EIPR1: variants seen among roughly 807,000 people sequenced by gnomAD.
The protein encoded by EIPR1 is EARP and GARP complex-interacting protein 1.
Under a neutral mutation model 48.1 loss-of-function variants are expected in EIPR1, and 25 were observed. That is an observed-to-expected ratio of 0.52 (90% confidence interval 0.38 to 0.73). EIPR1 has a LOEUF of 0.73. Ranked by LOEUF, EIPR1 falls within the 30% of genes least tolerant of loss-of-function variation. The probability of loss-of-function intolerance (pLI) is 0.00; values close to 1 mark genes in which losing one functional copy is unlikely to be tolerated. For missense variants in EIPR1, 415 were observed against 506.2 expected, an observed-to-expected ratio of 0.82 and a Z score of 1.73; for synonymous variants, 204 against 201.9, an observed-to-expected ratio of 1.01 and a Z score of -0.09.
At chr2:3,231,915 A>G (rs1666255287) in intron 4 of EIPR1, among the ~76,000 whole-genome samples, 1 of 152,242 alleles carries the variant, frequency 6.6e-6, no homozygotes, top group South Asian at 2.1e-4. Context: ...ACAAACATTA[A>G]TTCTTCTTAA....
intron 4 of EIPR1, among the ~76,000 whole-genome samples, chr2:3,217,155 T>A (rs926091420): frequency 1.3e-5 from 2 of 152,154 alleles, no homozygotes; most frequent in African/African-American, 4.8e-5. Flanking sequence ...GATGATTAAT[T>A]CAGAGCAAAA....
At chr2:3,244,710 G>A (rs1459460311) in intron 4 of EIPR1, among the ~76,000 whole-genome samples, 6 of 152,208 alleles carry the variant, frequency 3.9e-5, no homozygotes, top group Non-Finnish European at 5.9e-5. Context: ...CGCCTTGATC[G>A]TGGACTTCCC....
At chr2:3,283,547 C>A (rs962425503) in intron 3 of EIPR1, among the ~76,000 whole-genome samples, 1 of 152,120 alleles carries the variant, frequency 6.6e-6, no homozygotes, top group Non-Finnish European at 1.5e-5. Flanking sequence ...CACCCCGGCA[C>A]ACTGGCCAAA....
At chr2:3,198,366 G>A (rs928008914) in intron 5 of EIPR1, among the ~76,000 whole-genome samples, 5 of 152,202 alleles carry the variant, frequency 3.3e-5, no homozygotes, top group Non-Finnish European at 5.9e-5. Flanking sequence ...GTCAGAAGCC[G>A]AGAAAGGCGG....
In EIPR1 at chr2:3,286,659, G is replaced by C. The variant is rs114212491; in HGVS notation, c.260-29204C>G. Among the ~76,000 whole-genome samples the C allele has an allele frequency of 3.9e-5, 6 of 152,250 alleles. No homozygotes were observed. Among genetic ancestry groups the C allele is most frequent in the Non-Finnish European group, 7.3e-5 (5 of 68,048 alleles). ...GTCCAGAGTGCCCCGCAGAGCACCC[G>C]AGACAGCGGCTGGCAGAGCACAGGC... On this transcript the variant is annotated intron_variant, in intron 3 of 8. Transcript: ENST00000382125. This position sits in a 1 kb window ranked among gnomAD's most constrained non-coding sequence, Gnocchi z 4.2.
In EIPR1 at chr2:3,286,181, C is replaced by G. The variant is rs1043803917; in HGVS notation, c.260-28726G>C. On this transcript the variant is annotated intron_variant, in intron 3 of 8. Coordinates refer to ENST00000382125, the MANE Select transcript of EIPR1 (RefSeq NM_003310.5). The surrounding 1 kb of genome is among the most constrained non-coding windows in gnomAD (Gnocchi z 4.2). ...CCACACCTGCTATCCCTGCCTGATTCCCCACCCTCAGAACCCATGAGCAGC... is the reference window on the plus strand; with the variant it reads ...CCACACCTGCTATCCCTGCCTGATTGCCCACCCTCAGAACCCATGAGCAGC... Among the ~76,000 whole-genome samples the G allele has an allele frequency of 2.6e-5, 4 of 152,208 alleles. No homozygotes were observed. Among genetic ancestry groups the G allele is most frequent in the Non-Finnish European group, 5.9e-5 (4 of 68,030 alleles).
chr2:3,196,862 G>T lies in EIPR1; in HGVS notation c.653+19C>A. The T allele has an allele frequency of 6.2e-7, 1 of 1,611,782 alleles. No homozygotes were observed. The highest frequency in any genetic ancestry group is 8.5e-7 in the Non-Finnish European group (1 of 1,179,246). ...AGGGAGGAAAGGAAGTGGGGCCTGC[G>T]CCGGGTGGGCTCACTGACCTCATGC... On this transcript the variant is annotated intron_variant, in intron 6 of 8. Transcript: ENST00000382125.
chr2:3,292,346 C>T (rs948304114), intron 3 of EIPR1, among the ~76,000 whole-genome samples: 1 of 152,202 alleles, frequency 6.6e-6, no homozygotes, highest in African/African-American at 2.4e-5. Context: ...CCAGATACTT[C>T]CCCCATGCTC....
chr2:3,337,792 G>A (rs969466683), intron 3 of EIPR1, among the ~76,000 whole-genome samples: 9 of 152,152 alleles, frequency 5.9e-5, no homozygotes, highest in Non-Finnish European at 7.4e-5. Context: ...AGGGGTCAAC[G>A]TTCTCAGAAC....
At chr2:3,310,457 T>G (rs1246870197) in intron 3 of EIPR1, among the ~76,000 whole-genome samples, 1 of 141,826 alleles carries the variant, frequency 7.1e-6, no homozygotes, top group Non-Finnish European at 1.5e-5. Context: ...ACTGAGACCA[T>G]CCTGGCTAAA....
intron 3 of EIPR1, among the ~76,000 whole-genome samples, chr2:3,295,164 C>T (rs552848421): frequency 4.0e-4 from 59 of 146,750 alleles, no homozygotes; most frequent in South Asian, 1.4e-3. Flanking sequence ...CCTTTCTACA[C>T]ACACACACCC....
At chr2:3,238,495 T>C (rs542149026) in intron 4 of EIPR1, among the ~76,000 whole-genome samples, 3 of 152,210 alleles carry the variant, frequency 2.0e-5, no homozygotes. Flanking sequence ...GTGGGGGACC[T>C]TCCTCACATT....
At chr2:3,356,554 C>T (rs1038109034) in intron 1 of EIPR1, among the ~76,000 whole-genome samples, 4 of 152,174 alleles carry the variant, frequency 2.6e-5, no homozygotes, top group Admixed American at 6.5e-5. Context: ...ATCAAGTTCC[C>T]GTGGCCAGCA....
At chr2:3,318,814 AC>A (rs1249317436) in intron 3 of EIPR1, 1 of 467,664 alleles carries the variant, frequency 2.1e-6, no homozygotes, top group Non-Finnish European at 4.5e-6. Flanking sequence ...TGCACCCCAA[AC>A]TCAGGAGGGG....
At chr2:3,370,404 T>C (rs545542653) in intron 1 of EIPR1, among the ~76,000 whole-genome samples, 20 of 151,872 alleles carry the variant, frequency 1.3e-4, no homozygotes, top group Non-Finnish European at 2.6e-4. Context: ...CTTTGACGAG[T>C]TGAGAGAAGA....
chr2:3,283,246 C>G (rs1367693382), intron 3 of EIPR1, among the ~76,000 whole-genome samples: 1 of 152,184 alleles, frequency 6.6e-6, no homozygotes, highest in African/African-American at 2.4e-5. Context: ...GCAGCAAATG[C>G]ACCTCTCAGC....
chr2:3,335,651 A>G (rs1456836086), intron 3 of EIPR1, among the ~76,000 whole-genome samples: 2 of 152,196 alleles, frequency 1.3e-5, no homozygotes, highest in East Asian at 3.8e-4. Flanking sequence ...TAATCCCCAC[A>G]TGTCCAGGGA....
chr2:3,224,094 T>C (rs888798391), intron 4 of EIPR1, among the ~76,000 whole-genome samples: 5 of 152,244 alleles, frequency 3.3e-5, no homozygotes, highest in Admixed American at 3.3e-4. Flanking sequence ...GCCATGACTT[T>C]ATTTCATTCC....
chr2:3,360,601 A>G lies in EIPR1; in HGVS notation c.43-5968T>C, dbSNP rs116788115. ...AGTAGGTAGAAATATCAGTACCTAG[A>G]CATATTAACTGAGCACACACCATTC... On this transcript the variant is annotated intron_variant, in intron 1 of 8. Coordinates refer to ENST00000382125, the MANE Select transcript of EIPR1 (RefSeq NM_003310.5). 7.3e-3 allele frequency among the ~76,000 whole-genome samples: 1,117 copies of G among 152,294 alleles called. 25 individuals are homozygous for G. The highest frequency in any genetic ancestry group is 0.026 in the African/African-American group (1,075 of 41,572).
Sources: allele counts gnomAD v4.1 joint callset (sites outside exome capture counted in the v4.1 genomes callset), GRCh38; gene constraint gnomAD v4.1.1; non-coding constraint Gnocchi (gnomAD v3.1); transcripts MANE v1.5; gene names NCBI Gene and HGNC (gene_info 2026-07-23, HGNC 2026-07-21).